Variants in EXOC2 observed in about 807,000 individuals in gnomAD.
EXOC2 encodes SEC5-like 1.
Under a neutral mutation model 131.8 loss-of-function variants are expected in EXOC2, and 70 were observed. That is an observed-to-expected ratio of 0.53 (90% confidence interval 0.44 to 0.65). EXOC2 has a LOEUF of 0.65. Ranked by LOEUF, EXOC2 falls within the 30% of genes least tolerant of loss-of-function variation. The pLI, the probability that EXOC2 is intolerant of heterozygous loss-of-function variation, is 0.00. For synonymous variants in EXOC2, 411 were observed against 398.4 expected (o/e 1.03, Z -0.38); for missense variants, 923 against 1,108.6 (o/e 0.83, Z 2.38).
rs755977716 is a variant in EXOC2, at chr6:564,162, C to G, written c.1668-8G>C. The G allele has an allele frequency of 7.1e-5, 115 of 1,612,838 alleles. No homozygotes were observed. The highest frequency in any genetic ancestry group is 5.8e-5 in the Non-Finnish European group (68 of 1,179,484). On this transcript the variant is annotated splice_polypyrimidine_tract_variant and splice_region_variant and intron_variant, in intron 15 of 27. Transcript: ENST00000230449. ...AACGATTCATGAGTAAGTCTGCGAA[C>G]AAACACATCCAAACAGAAGTGAGCA...
intron 1 of EXOC2, among the ~76,000 whole-genome samples, chr6:652,935 CTG>C (rs1486998439): frequency 6.6e-6 from 1 of 152,234 alleles, no homozygotes; most frequent in Non-Finnish European, 1.5e-5. Flanking sequence ...CTCCATGTCT[CTG>C]TGTCACATTT....
intron 1 of EXOC2, among the ~76,000 whole-genome samples, chr6:688,353 C>G (rs1764761731): frequency 1.3e-5 from 2 of 152,108 alleles, no homozygotes; most frequent in African/African-American, 4.8e-5. Context: ...CCCCAGCTGG[C>G]CCCAGCAACT....
At chr6:554,084 A>G (rs1757291921) in intron 20 of EXOC2, among the ~76,000 whole-genome samples, 164 bp from the exon 21 acceptor site, 1 of 151,070 alleles carries the variant, frequency 6.6e-6, no homozygotes, top group East Asian at 1.9e-4. Flanking sequence ...CTTGTCCCCC[A>G]GGCTGGAGTG....
chr6:676,810 A>G lies in EXOC2; in HGVS notation c.-44+16209T>C, dbSNP rs867486772. Among the ~76,000 whole-genome samples, 170 of 60,392 alleles carry G rather than the reference A, an allele frequency of 2.8e-3. 1 individual carries two copies. The highest frequency in any genetic ancestry group is 0.019 in the East Asian group (10 of 532). The allele number at this position is 60,392 out of a possible 152,430, so 39.6% of individuals were successfully genotyped here. A position where few individuals can be genotyped will look rare whatever the true frequency, so the allele number is the denominator to read the frequency against. ...ACTCTGCGGTTCCCCATACTCTTCAACATTACGGAAAGGACAGGTTCCTCT... is the reference window on the plus strand; with the variant it reads ...ACTCTGCGGTTCCCCATACTCTTCAGCATTACGGAAAGGACAGGTTCCTCT... On this transcript the variant is annotated intron_variant, in intron 1 of 27. Transcript: ENST00000230449.
chr6:613,882 TTAAA>T (rs894713136), intron 6 of EXOC2, among the ~76,000 whole-genome samples: 12 of 151,580 alleles, frequency 7.9e-5, no homozygotes, highest in African/African-American at 1.7e-4. Context: ...AAAGTATAAT[TTAAA>T]TAAATAAATA....
rs1761934901 is a variant in EXOC2 at position 633,121 on chromosome 6, A to G, written c.119-4T>C. ...TTATGTCCACAAATGGTCAAGCCTGAAAATAAACGCATGTGCATAACAAAA... is the reference window on the plus strand; with the variant it reads ...TTATGTCCACAAATGGTCAAGCCTGGAAATAAACGCATGTGCATAACAAAA... On this transcript the variant is annotated splice_region_variant and splice_polypyrimidine_tract_variant and intron_variant, in intron 2 of 27. Coordinates refer to ENST00000230449, the MANE Select transcript of EXOC2 (RefSeq NM_018303.6). The G allele has an allele frequency of 3.1e-6, 5 of 1,611,754 alleles. No individual in the cohort carries two copies. Among genetic ancestry groups the G allele is most frequent in the Non-Finnish European group, 4.2e-6 (5 of 1,179,898 alleles).
chr6:557,138 G>A (rs568076166), intron 17 of EXOC2, among the ~76,000 whole-genome samples: 6 of 152,158 alleles, frequency 3.9e-5, no homozygotes, highest in East Asian at 1.9e-4. Flanking sequence ...AGCTCCTAAG[G>A]GTGTTTAAGT....
chr6:597,722 C>T (rs1423671012), intron 10 of EXOC2, among the ~76,000 whole-genome samples: 1 of 152,146 alleles, frequency 6.6e-6, no homozygotes, highest in Non-Finnish European at 1.5e-5. Flanking sequence ...CCACACCATC[C>T]CACTAGGCAA....
chr6:527,672 C>T (rs890127982), intron 23 of EXOC2, among the ~76,000 whole-genome samples: 3 of 152,154 alleles, frequency 2.0e-5, no homozygotes, highest in African/African-American at 7.2e-5. Flanking sequence ...TTAGAATGGT[C>T]CTAGACATAC....
intron 23 of EXOC2, among the ~76,000 whole-genome samples, chr6:517,078 T>G (rs2127515660): frequency 6.6e-6 from 1 of 152,208 alleles, no homozygotes. Flanking sequence ...TAGAACTGAC[T>G]TTGGGGTGAG....
intron 23 of EXOC2, among the ~76,000 whole-genome samples, chr6:528,294 T>C (rs1366910005): frequency 6.6e-6 from 1 of 152,214 alleles, no homozygotes; most frequent in Non-Finnish European, 1.5e-5. Context: ...GTTACCTACA[T>C]GATTTGCAAA....
At chr6:651,926 C>T (rs889842954) in intron 1 of EXOC2, among the ~76,000 whole-genome samples, 1 of 150,860 alleles carries the variant, frequency 6.6e-6, no homozygotes. Context: ...TGCGGTGGTG[C>T]GCGCCTGTAA....
intron 1 of EXOC2, among the ~76,000 whole-genome samples, chr6:671,262 C>T (rs1362980447): frequency 6.6e-6 from 1 of 151,160 alleles, no homozygotes; most frequent in Non-Finnish European, 1.5e-5. Flanking sequence ...GAGGCTGAGG[C>T]AGGAGGATCA....
intron 10 of EXOC2, among the ~76,000 whole-genome samples, chr6:595,371 C>T (rs1188175087): frequency 3.3e-5 from 5 of 151,958 alleles, no homozygotes; most frequent in Non-Finnish European, 4.4e-5. Flanking sequence ...TCTTATTTTT[C>T]TATTTCTTAG....
chr6:553,340 A>G (rs1333721544), intron 21 of EXOC2, among the ~76,000 whole-genome samples: 1 of 152,156 alleles, frequency 6.6e-6, no homozygotes, highest in Non-Finnish European at 1.5e-5. Flanking sequence ...GTGTGTGTGT[A>G]TATATACATA....
At chr6:487,827 A>G (rs1477187145) in intron 27 of EXOC2, among the ~76,000 whole-genome samples, 1 of 152,216 alleles carries the variant, frequency 6.6e-6, no homozygotes, top group Non-Finnish European at 1.5e-5. Context: ...AACAATGTTC[A>G]ATATTAGAAT....
intron 12 of EXOC2, among the ~76,000 whole-genome samples, chr6:576,169 C>T (rs1758566277): frequency 6.6e-6 from 1 of 152,158 alleles, no homozygotes; most frequent in African/African-American, 2.4e-5. Context: ...ATTGAGATCA[C>T]AAATGGCTCC....
chr6:654,834 A>AAAAAAAAAC (rs1762995908), intron 1 of EXOC2, among the ~76,000 whole-genome samples: 1 of 143,234 alleles, frequency 7.0e-6, no homozygotes, highest in Non-Finnish European at 1.5e-5. Context: ...AAAAAAAAAA[A>AAAAAAAAAC]AAAGTAGAGC....
intron 1 of EXOC2, among the ~76,000 whole-genome samples, chr6:682,696 T>C (rs540830939): frequency 2.6e-5 from 4 of 152,306 alleles, no homozygotes; most frequent in East Asian, 1.9e-4. Context: ...ATTCCACTTA[T>C]ATGAAAGTTC....
Sources: allele counts gnomAD v4.1 joint callset (sites outside exome capture counted in the v4.1 genomes callset), GRCh38; gene constraint gnomAD v4.1.1; transcripts MANE v1.5; gene names NCBI Gene and HGNC (gene_info 2026-07-23, HGNC 2026-07-21).